The following SCHIP1 variants were observed in gnomAD, a reference collection of about 807,000 sequenced individuals.
The protein encoded by SCHIP1 is schwannomin interacting protein 1.
A neutral mutation model predicts 29.7 loss-of-function variants in SCHIP1; 8 were observed. The ratio of observed to expected loss-of-function variants is 0.27; its 90% CI spans 0.16 to 0.49. The LOEUF is 0.49. Ranked by LOEUF, SCHIP1 falls within the 20% of genes least tolerant of loss-of-function variation. The pLI is 0.99. For synonymous variants in SCHIP1, 76 were observed against 94.9 expected (o/e 0.80, Z 1.16); for missense variants, 193 against 294.6 (o/e 0.66, Z 2.52).
the SCHIP1 span, among the ~76,000 whole-genome samples, chr3:159,559,436 A>T: frequency 6.6e-6 from 1 of 152,224 alleles, no homozygotes; most frequent in Non-Finnish European, 1.5e-5. Flanking sequence ...TTGCTTTGCC[A>T]CAAATCTGTC....
the SCHIP1 span, among the ~76,000 whole-genome samples, chr3:159,582,192 A>G: frequency 6.6e-6 from 1 of 151,784 alleles, no homozygotes; most frequent in Non-Finnish European, 1.5e-5. Flanking sequence ...CTTGTTTTTG[A>G]GACAGGGTCT....
At chr3:159,478,184 A>G in the SCHIP1 span, among the ~76,000 whole-genome samples, 1 of 152,038 alleles carries the variant, frequency 6.6e-6, no homozygotes, top group Non-Finnish European at 1.5e-5. Flanking sequence ...CAGCCTCCCA[A>G]AGTGCTGGGA....
the SCHIP1 span, among the ~76,000 whole-genome samples, chr3:159,827,528 T>A: frequency 1.4e-4 from 22 of 152,188 alleles, no homozygotes; most frequent in African/African-American, 5.1e-4. Flanking sequence ...ACAAAATAAT[T>A]TTTTTGAAAA....
At chr3:159,590,068 A>C in the SCHIP1 span, among the ~76,000 whole-genome samples, 1 of 152,158 alleles carries the variant, frequency 6.6e-6, no homozygotes, top group African/African-American at 2.4e-5. Flanking sequence ...TCTTTGCTAA[A>C]TCTCGCAGCC....
chr3:159,611,681 GAACTT>G, the SCHIP1 span, among the ~76,000 whole-genome samples: 2 of 152,004 alleles, frequency 1.3e-5, no homozygotes, highest in African/African-American at 2.4e-5. Context: ...ATGTATCCCA[GAACTT>G]AACAAAAAAA....
chr3:159,380,059 A>G, the SCHIP1 span, among the ~76,000 whole-genome samples: 1 of 152,248 alleles, frequency 6.6e-6, no homozygotes, highest in Non-Finnish European at 1.5e-5. Context: ...ACAATGTTAG[A>G]GAAAATACAG....
chr3:159,292,398 T>C, the SCHIP1 span, among the ~76,000 whole-genome samples: 17 of 152,216 alleles, frequency 1.1e-4, no homozygotes, highest in Admixed American at 1.0e-3. Context: ...AAACAGAGTC[T>C]TGGTTAGTTG....
chr3:159,857,203 A>G (rs1374976285), intron 1 of SCHIP1, among the ~76,000 whole-genome samples: 1 of 152,236 alleles, frequency 6.6e-6, no homozygotes, highest in Non-Finnish European at 1.5e-5. Flanking sequence ...TCGGTTAGCC[A>G]GCATGGTCAG....
At chr3:159,548,709 A>AT in the SCHIP1 span, among the ~76,000 whole-genome samples, 7 of 151,912 alleles carry the variant, frequency 4.6e-5, no homozygotes, top group Admixed American at 6.6e-5. Flanking sequence ...TTAAATTAAA[A>AT]TTTTTTTTAG....
the SCHIP1 span, among the ~76,000 whole-genome samples, chr3:159,324,021 C>T: frequency 1.4e-4 from 21 of 152,140 alleles, no homozygotes; most frequent in Non-Finnish European, 2.4e-4. Flanking sequence ...TTTACCTTCC[C>T]GGATTGTTAC....
chr3:159,364,264 G>A, the SCHIP1 span, among the ~76,000 whole-genome samples: 1 of 152,112 alleles, frequency 6.6e-6, no homozygotes, highest in African/African-American at 2.4e-5. Context: ...TAATATATGA[G>A]AATGTTACTT....
chr3:159,416,370 T>A, the SCHIP1 span, among the ~76,000 whole-genome samples: 1 of 152,208 alleles, frequency 6.6e-6, no homozygotes, highest in Non-Finnish European at 1.5e-5. Flanking sequence ...ATTTTATATA[T>A]GTATTTAGTT....
At chr3:159,867,823 G>A (rs949659461) in intron 2 of SCHIP1, among the ~76,000 whole-genome samples, 2 of 151,956 alleles carry the variant, frequency 1.3e-5, no homozygotes, top group Admixed American at 1.3e-4. Context: ...TGAAATGAGA[G>A]CATTGGACCA....
the SCHIP1 span, among the ~76,000 whole-genome samples, chr3:159,645,398 A>G: frequency 6.6e-6 from 1 of 152,172 alleles, no homozygotes; most frequent in Non-Finnish European, 1.5e-5. Context: ...AGTGGGTAGA[A>G]TCTTGCCTTA....
the SCHIP1 span, chr3:159,765,351 G>A: frequency 1.8e-6 from 1 of 542,060 alleles, no homozygotes; most frequent in Non-Finnish European, 3.0e-6. Context: ...GGGCGGAGAG[G>A]AAGGAGGAGC....
the SCHIP1 span, among the ~76,000 whole-genome samples, chr3:159,510,085 G>A: frequency 4.6e-5 from 7 of 152,168 alleles, no homozygotes; most frequent in South Asian, 6.2e-4. Context: ...TTCCATTCTC[G>A]CCATCACTTG....
the SCHIP1 span, among the ~76,000 whole-genome samples, chr3:159,317,136 C>T: frequency 6.6e-5 from 10 of 152,168 alleles, no homozygotes; most frequent in East Asian, 1.9e-4. Flanking sequence ...TACTCAGAGA[C>T]GCCCTAATGG....
At chr3:159,850,163 C>T (rs747643523) in intron 1 of SCHIP1, among the ~76,000 whole-genome samples, 6 of 152,164 alleles carry the variant, frequency 3.9e-5, no homozygotes, top group East Asian at 1.9e-4. Flanking sequence ...TGCGACAATA[C>T]GTGCTGGGTG....
At chr3:159,388,164 AT>A in the SCHIP1 span, among the ~76,000 whole-genome samples, 5 of 152,088 alleles carry the variant, frequency 3.3e-5, no homozygotes, top group Non-Finnish European at 5.9e-5. Flanking sequence ...GCAAATTATA[AT>A]TTTTTTATAA....
Sources: gnomAD v4.1 joint callset for allele counts (sites outside exome capture counted in the v4.1 genomes callset) on GRCh38, gnomAD v4.1.1 for gene constraint, MANE v1.5 for transcripts, NCBI Gene and HGNC (gene_info 2026-07-23, HGNC 2026-07-21) for gene names.